SYNE1: variants seen among roughly 807,000 people sequenced by gnomAD.
The protein encoded by SYNE1 is nesprin-1.
A neutral mutation model predicts 1,111.0 loss-of-function variants in SYNE1; 616 were observed. The observed-to-expected ratio is 0.55, with a 90% CI of 0.52 to 0.59. SYNE1 has a LOEUF of 0.59. SYNE1 is among the 20% of genes least tolerant of loss of function. The probability of loss-of-function intolerance (pLI) is 0.00; values close to 1 mark genes in which losing one functional copy is unlikely to be tolerated. For missense variants in SYNE1, 10,006 were observed against 10,417.0 expected (o/e 0.96, Z 1.72); for synonymous variants, 3,855 against 3,825.8 (o/e 1.01, Z -0.28).
chr6:152,264,999 C>T (rs964090270), intron 100 of SYNE1, among the ~76,000 whole-genome samples: 11 of 151,616 alleles, frequency 7.3e-5, no homozygotes, highest in African/African-American at 2.4e-4. Flanking sequence ...CACTTAGGTC[C>T]GGAGTTCAAG....
chr6:152,490,765 A>G (rs2098966014), intron 11 of SYNE1, among the ~76,000 whole-genome samples: 1 of 152,148 alleles, frequency 6.6e-6, no homozygotes, highest in Non-Finnish European at 1.5e-5. Flanking sequence ...AAGATCTGGG[A>G]CAGGGGGATT....
At chr6:152,634,971 C>G (rs543989069) in intron 2 of SYNE1, among the ~76,000 whole-genome samples, 1 of 152,214 alleles carries the variant, frequency 6.6e-6, no homozygotes, top group Non-Finnish European at 1.5e-5. Flanking sequence ...GTAGCTAGAG[C>G]TGGAGTTGTG....
At chr6:152,242,913 G>A (rs1047750495) in intron 106 of SYNE1, among the ~76,000 whole-genome samples, 7 of 151,890 alleles carry the variant, frequency 4.6e-5, no homozygotes, top group African/African-American at 1.7e-4. Context: ...GAAAAATAAA[G>A]TCTTATCTCA....
intron 29 of SYNE1, 87 bp from the exon 30 acceptor site, chr6:152,444,665 A>G (rs1056573123): frequency 8.2e-7 from 1 of 1,224,334 alleles, no homozygotes; most frequent in Non-Finnish European, 1.2e-6. Context: ...ATGATTGACA[A>G]ATAAACATTG....
intron 68 of SYNE1, 52 bp from the exon 69 acceptor site, chr6:152,353,485 C>A: frequency 1.2e-6 from 2 of 1,613,732 alleles, no homozygotes; most frequent in Non-Finnish European, 1.7e-6. Flanking sequence ...TGTGCCAGGG[C>A]CTTTGTTGAT....
chr6:152,160,681 T>C (rs547485913), intron 131 of SYNE1, among the ~76,000 whole-genome samples: 41 of 152,238 alleles, frequency 2.7e-4, no homozygotes, highest in African/African-American at 8.9e-4. Flanking sequence ...AGGTAAAATT[T>C]GTAGATATTA....
chr6:152,212,772 C>T (rs753780464), intron 123 of SYNE1, among the ~76,000 whole-genome samples: 7 of 152,134 alleles, frequency 4.6e-5, no homozygotes, highest in Non-Finnish European at 7.4e-5. Flanking sequence ...GTTCCAATTC[C>T]TTTACACCCT....
At chr6:152,278,769 T>G (rs945455394) in intron 97 of SYNE1, among the ~76,000 whole-genome samples, 1 of 151,678 alleles carries the variant, frequency 6.6e-6, no homozygotes, top group Non-Finnish European at 1.5e-5. Context: ...GGCCCTTTTT[T>G]GTTTTTGTTT....
At chr6:152,509,059 G>C (rs1025223790) in intron 8 of SYNE1, among the ~76,000 whole-genome samples, 1 of 151,830 alleles carries the variant, frequency 6.6e-6, no homozygotes, top group Non-Finnish European at 1.5e-5. Context: ...ATTTAAGCAT[G>C]CAAAACAAGA....
intron 70 of SYNE1, 123 bp downstream of exon 70, chr6:152,351,904 G>A: frequency 4.6e-6 from 4 of 867,568 alleles, no homozygotes; most frequent in Non-Finnish European, 5.6e-6. Context: ...GTCAGCTGCA[G>A]AACGGACACA....
chr6:152,269,172 T>C lies in SYNE1; in HGVS notation c.18688A>G (p.Ser6230Gly). The change falls in exon 99 of 146, where the codon AGT becomes GGT. Residue 6230 changes from serine to glycine, a missense_variant. Physicochemically the swap from Ser to Gly is moderately conservative, Grantham distance 56 (BLOSUM62 0). Transcript: ENST00000367255. ...RTTWTQQRQS[S>G]LQQQKELEQE... ...CACTTTACTTTTTGTTGCTGGAGAC[T>C]GCTCTGCCGCTGCTGGGTCCATGTG... The C allele has an allele frequency of 1.2e-6, 2 of 1,614,250 alleles. No homozygotes were observed. Among genetic ancestry groups the C allele is most frequent in the East Asian group, 2.2e-5 (1 of 44,888 alleles).
chr6:152,402,726 C>T lies in SYNE1; in HGVS notation c.6826-1385G>A, dbSNP rs372670421. 507 of 150,320 alleles carry T rather than the reference C, an allele frequency of 3.4e-3. 3 individuals are homozygous for T. The highest frequency in any genetic ancestry group is 0.01 in the African/African-American group (409 of 40,308). 9.3% of individuals were successfully genotyped at this position (150,320 alleles called of 1,614,324 possible). A position where few individuals can be genotyped will look rare whatever the true frequency, so the allele number is the denominator to read the frequency against. On this transcript the variant is annotated intron_variant, in intron 46 of 145. Transcript: ENST00000367255. ...GTATACATAGGGGTGCATGTATGTG[C>T]ACACGTGTGTGTGTGTGTGAGAGAG...
At chr6:152,384,704 C>T (rs1255195869) in intron 55 of SYNE1, among the ~76,000 whole-genome samples, 2 of 151,900 alleles carry the variant, frequency 1.3e-5, no homozygotes, top group Admixed American at 1.3e-4. Flanking sequence ...GGTGAAGCCC[C>T]GTCTCTACTA....
At chr6:152,520,583 G>T (rs2099134183) in intron 5 of SYNE1, 41 bp from the exon 6 acceptor site, 1 of 1,592,870 alleles carries the variant, frequency 6.3e-7, no homozygotes, top group African/African-American at 1.3e-5. Flanking sequence ...GACAAAATCT[G>T]CATATTAAAA....
At position 152,148,217 on chromosome 6, in the gene SYNE1, C is replaced by T; in HGVS notation, c.24804G>A (p.Glu8268=). 1 of 1,614,156 alleles carries T rather than the reference C, an allele frequency of 6.2e-7. No homozygotes were observed. Among genetic ancestry groups the T allele is most frequent in the Non-Finnish European group, 8.5e-7 (1 of 1,180,006 alleles). Residue 8268 remains glutamate, a synonymous_variant, in exon 137 of 146, where the codon GAG becomes GAA. Transcript: ENST00000367255. The surrounding 1 kb of genome is among the most constrained non-coding windows in gnomAD (Gnocchi z 4.1). ...SLSLAQPLRS[E]RSGRDTPASV... is the part of the protein sequence containing the mutation. ...TAGCCGGGGTGTCTCGTCCTGACCG[C>T]TCGCTCCGGAGGGGCTGAGCGAGCG...
rs544985294 is a variant in SYNE1 at position 152,458,602 on chromosome 6, A to T, written c.2568+155T>A. Among the ~76,000 whole-genome samples the T allele has an allele frequency of 5.4e-4, 82 of 152,330 alleles. 1 individual carries two copies. The highest frequency in any genetic ancestry group is 1.7e-3 in the African/African-American group (72 of 41,580). On this transcript the variant is annotated intron_variant, in intron 22 of 145. Transcript: ENST00000367255. The stretch of plus-strand genomic sequence containing the variant: ...CTGCACTGACAGTGAATGGATTTTC[A>T]TCTTTGGACAAGACATGTATTTTTG...
intron 58 of SYNE1, chr6:152,376,070 T>C (rs1401703426): frequency 7.2e-6 from 2 of 275,870 alleles, no homozygotes; most frequent in East Asian, 1.7e-4. Flanking sequence ...GGGATGAAAC[T>C]GTTCTACCTC....
In SYNE1 at chr6:152,310,470, C is replaced by G; in HGVS notation, c.16945G>C (p.Glu5649Gln). The G allele has an allele frequency of 6.2e-7, 1 of 1,614,110 alleles. No individual in the cohort carries two copies. ...GAAGTCAGTGTTGCCTGGGCTTGCT[C>G]CAAGGCAGCTTGTAACTTTTTCAAC... is the stretch of plus-strand genomic sequence containing the variant. The part of the protein sequence containing the change: ...AELKKLQAAL[E>Q]QAQATLTSPE... The change falls in exon 89 of 146, where the codon GAG becomes CAG. Residue 5649 changes from glutamate to glutamine, a missense_variant. Glu to Gln is a conservative substitution (Grantham distance 29). Transcript: ENST00000367255.
chr6:152,230,822 C>A, intron 114 of SYNE1, 120 bp from the exon 115 acceptor site: 1 of 1,163,956 alleles, frequency 8.6e-7, no homozygotes, highest in Non-Finnish European at 1.2e-6. Context: ...TACAGTTCAT[C>A]GTATATATGA....
Sources: gnomAD v4.1 joint callset for allele counts (sites outside exome capture counted in the v4.1 genomes callset) on GRCh38, gnomAD v4.1.1 for gene constraint, Gnocchi (gnomAD v3.1) non-coding constraint, MANE v1.5 for transcripts, NCBI Gene and HGNC (gene_info 2026-07-23, HGNC 2026-07-21) for gene names.